The following ZFAT variants were observed in gnomAD, a reference collection of about 807,000 sequenced individuals.
ZFAT encodes zinc finger protein ZFAT.
Under a neutral mutation model 117.7 loss-of-function variants are expected in ZFAT, and 64 were observed. The ratio of observed to expected loss-of-function variants is 0.54; its 90% CI spans 0.44 to 0.67. The LOEUF (loss-of-function observed/expected upper bound fraction) is 0.67. ZFAT is among the 30% of genes least tolerant of loss of function. The pLI is 0.00. For synonymous variants in ZFAT, 679 were observed against 615.0 expected (o/e 1.10, Z -1.54); for missense variants, 1,433 against 1,584.5 (o/e 0.90, Z 1.62).
At chr8:134,704,675 T>C (rs1216928350) in intron 1 of ZFAT, among the ~76,000 whole-genome samples, 1 of 152,122 alleles carries the variant, frequency 6.6e-6, no homozygotes, top group Non-Finnish European at 1.5e-5. Flanking sequence ...AATAGAGCAA[T>C]GGAACAGACC....
At chr8:134,663,343 A>G (rs144149862) in intron 1 of ZFAT, among the ~76,000 whole-genome samples, 21 of 152,344 alleles carry the variant, frequency 1.4e-4, no homozygotes, top group South Asian at 6.2e-4. Context: ...ATACTCAGCT[A>G]TTTGGTATGA....
At chr8:134,568,512 C>T (rs1424604104) in intron 10 of ZFAT, among the ~76,000 whole-genome samples, 2 of 152,192 alleles carry the variant, frequency 1.3e-5, no homozygotes, top group African/African-American at 4.8e-5. Flanking sequence ...GAACCATTCT[C>T]TAAGTTGATA....
chr8:134,786,293 T>C, the ZFAT span, among the ~76,000 whole-genome samples: 1 of 152,200 alleles, frequency 6.6e-6, no homozygotes, highest in Non-Finnish European at 1.5e-5. Flanking sequence ...GGAACAGATG[T>C]ATTAATACAA....
intron 11 of ZFAT, among the ~76,000 whole-genome samples, chr8:134,544,735 A>T (rs58124929): frequency 0.012 from 1,882 of 152,050 alleles, 34 homozygotes; most frequent in African/African-American, 0.043. Flanking sequence ...AAGGGGCTCA[A>T]CCTCATTAAC....
At chr8:134,645,819 C>T (rs560779455) in intron 2 of ZFAT, among the ~76,000 whole-genome samples, 30 of 152,300 alleles carry the variant, frequency 2.0e-4, no homozygotes, top group Non-Finnish European at 4.1e-4. Flanking sequence ...TGCCACCCAG[C>T]AACAGCAGAA....
chr8:134,761,637 T>C, the ZFAT span, among the ~76,000 whole-genome samples: 1 of 151,956 alleles, frequency 6.6e-6, no homozygotes, highest in Non-Finnish European at 1.5e-5. Context: ...GAGGTGTAGG[T>C]TGCAGTGAGC....
rs376785801 is a variant in ZFAT at position 134,637,465 on chromosome 8, T to C, written c.444A>G (p.Glu148=). 9 of 1,605,950 alleles carry C rather than the reference T, an allele frequency of 5.6e-6. No individual in the cohort carries two copies. In the African/African-American group the frequency reaches 8.0e-5, roughly 14 times the overall value. The change falls in exon 3 of 16, where the codon GAA becomes GAG. Residue 148 remains glutamate (E), a synonymous_variant. Coordinates refer to ENST00000377838, the MANE Select transcript of ZFAT (RefSeq NM_020863.4). The part of the protein sequence containing the change: ...IVLNLGEEEG[E]AGNESDLELE... Reference sequence around the variant, plus strand: ...CAGCCCTTTGGCAGCATTTACCTGCTTCTCCTTCCTCCTCACCCAAATTCA... The same window carrying C: ...CAGCCCTTTGGCAGCATTTACCTGCCTCTCCTTCCTCCTCACCCAAATTCA...
chr8:134,738,228 A>G, the ZFAT span, among the ~76,000 whole-genome samples: 3 of 152,184 alleles, frequency 2.0e-5, no homozygotes, highest in African/African-American at 7.2e-5. Flanking sequence ...GTTTCCTTGA[A>G]TGGCCCCACC....
chr8:134,802,802 G>C, the ZFAT span, among the ~76,000 whole-genome samples: 4 of 152,260 alleles, frequency 2.6e-5, no homozygotes, highest in African/African-American at 9.6e-5. Context: ...ACTAAGTTAA[G>C]GGCTAGGGAA....
At chr8:134,554,451 T>C (rs912635412) in intron 11 of ZFAT, among the ~76,000 whole-genome samples, 1 of 152,214 alleles carries the variant, frequency 6.6e-6, no homozygotes, top group South Asian at 2.1e-4. Context: ...GTTCCTTTTG[T>C]CCTACTTTTA....
intron 3 of ZFAT, among the ~76,000 whole-genome samples, chr8:134,615,125 G>C (rs1227412914): frequency 3.9e-5 from 6 of 152,154 alleles, no homozygotes; most frequent in Non-Finnish European, 8.8e-5. Context: ...CCTCAGCCAG[G>C]GACAGTGGGG....
chr8:134,780,672 C>CT, the ZFAT span, among the ~76,000 whole-genome samples: 1 of 152,114 alleles, frequency 6.6e-6, no homozygotes, highest in Non-Finnish European at 1.5e-5. Context: ...AAGGATAATC[C>CT]TTTTTCAGGC....
chr8:134,714,510 G>A (rs979753778), upstream of ZFAT, among the ~76,000 whole-genome samples: 2 of 152,104 alleles, frequency 1.3e-5, no homozygotes, highest in Non-Finnish European at 2.9e-5. Flanking sequence ...TTGAGCTTCA[G>A]GATGACTCAT....
intron 15 of ZFAT, among the ~76,000 whole-genome samples, chr8:134,497,001 C>G (rs543490531): frequency 6.6e-6 from 1 of 152,250 alleles, no homozygotes; most frequent in African/African-American, 2.4e-5. Flanking sequence ...CCCCATAGGT[C>G]GTGCTCCTTC....
chr8:134,583,718 C>T (rs1825871639), intron 10 of ZFAT, 114 bp downstream of exon 10: 3 of 1,317,922 alleles, frequency 2.3e-6, no homozygotes, highest in Non-Finnish European at 2.1e-6. Flanking sequence ...GAAGCTCCTT[C>T]TAACGGGCAA....
the ZFAT span, among the ~76,000 whole-genome samples, chr8:134,775,436 G>A: frequency 6.6e-6 from 1 of 152,168 alleles, no homozygotes; most frequent in East Asian, 1.9e-4. Flanking sequence ...CAGATTGATG[G>A]CTGGTTTATT....
chr8:134,657,345 C>T (rs1474280195), intron 2 of ZFAT, among the ~76,000 whole-genome samples: 2 of 152,204 alleles, frequency 1.3e-5, no homozygotes, highest in African/African-American at 4.8e-5. Context: ...ACTGCCACTT[C>T]CATTCATTCT....
chr8:134,557,791 C>T (rs1823760414), intron 11 of ZFAT, among the ~76,000 whole-genome samples: 1 of 152,178 alleles, frequency 6.6e-6, no homozygotes, highest in South Asian at 2.1e-4. Flanking sequence ...ATGGACTATG[C>T]ACTCCAATTA....
chr8:134,483,221 C>T (rs1022796827), intron 15 of ZFAT, among the ~76,000 whole-genome samples: 29 of 152,226 alleles, frequency 1.9e-4, no homozygotes, highest in Non-Finnish European at 4.1e-4. Context: ...CATGCCTTGT[C>T]CTGATTCTTT....
Sources: gnomAD v4.1 joint callset for allele counts (sites outside exome capture counted in the v4.1 genomes callset) on GRCh38, gnomAD v4.1.1 for gene constraint, MANE v1.5 for transcripts, NCBI Gene and HGNC (gene_info 2026-07-23, HGNC 2026-07-21) for gene names.